The following SNAI1 variants were observed in gnomAD, a reference collection of about 807,000 sequenced individuals.
SNAI1 encodes snail family transcriptional repressor 1.
Under a neutral mutation model 24.7 loss-of-function variants are expected in SNAI1, and 15 were observed. The ratio of observed to expected loss-of-function variants is 0.61; its 90% CI spans 0.41 to 0.93. The LOEUF is 0.93. Ranked by LOEUF, SNAI1 falls within the 40% of genes least tolerant of loss-of-function variation. SNAI1 has a pLI of 0.00. For missense variants in SNAI1, 283 were observed against 336.7 expected, an observed-to-expected ratio of 0.84 and a Z score of 1.25; for synonymous variants, 163 against 142.9, an observed-to-expected ratio of 1.14 and a Z score of -1.00.
intron 2 of SNAI1, among the ~76,000 whole-genome samples, chr20:49,986,370 T>C (rs1472032602): frequency 6.6e-6 from 1 of 152,036 alleles, no homozygotes; most frequent in Admixed American, 6.6e-5. Flanking sequence ...TAAGTCCCTA[T>C]TGAATGCATG....
chr20:49,984,326 A>C lies in SNAI1; in HGVS notation c.585A>C (p.Leu195=), dbSNP rs756338418. 6.2e-7 allele frequency: 1 copy of C among 1,608,670 alleles called. No homozygotes were observed. Among genetic ancestry groups the C allele is most frequent in the Admixed American group, 1.7e-5 (1 of 58,906 alleles). The change falls in exon 2 of 3, where the codon CTA becomes CTC. Residue 195 remains leucine (L), a synonymous_variant. Transcript: ENST00000244050. ...CGKAFSRPWL[L]QGHVRTHTGE... is the part of the protein sequence containing the mutation. ...AGGCCTTCTCTAGGCCCTGGCTGCT[A>C]CAAGGCCATGTCCGGACCCACACTG... is the stretch of plus-strand genomic sequence containing the variant.
intron 2 of SNAI1, 50 bp downstream of exon 2, chr20:49,984,401 G>C: frequency 6.7e-7 from 1 of 1,492,822 alleles, no homozygotes; most frequent in Non-Finnish European, 9.0e-7. Context: ...GGCAGCTTTT[G>C]TGAATCTGGG....
intron 1 of SNAI1, among the ~76,000 whole-genome samples, chr20:49,983,521 T>C (rs1370606002): frequency 6.7e-6 from 1 of 149,012 alleles, no homozygotes; most frequent in Non-Finnish European, 1.5e-5. Flanking sequence ...AGGAGGGGGA[T>C]TGGGGCAGGG....
At position 49,984,367 on chromosome 20, in the gene SNAI1, G is replaced by A; in HGVS notation, c.610+16G>A. 1 of 1,571,334 alleles carries A rather than the reference G, an allele frequency of 6.4e-7. No individual in the cohort carries two copies. Among genetic ancestry groups the A allele is most frequent in the Non-Finnish European group, 8.6e-7 (1 of 1,159,000 alleles). On this transcript the variant is annotated intron_variant, in intron 2 of 2. Coordinates refer to ENST00000244050, the MANE Select transcript of SNAI1 (RefSeq NM_005985.4). ...ACCCACACTGGTACGTGCCCCTCCA[G>A]GCGCCCCCACCGTTGCTCTCTCTGG...
intron 2 of SNAI1, among the ~76,000 whole-genome samples, chr20:49,985,837 C>T (rs1305633902): frequency 8.5e-5 from 13 of 152,242 alleles, no homozygotes; most frequent in Non-Finnish European, 1.5e-4. Flanking sequence ...TTGTCCCCGC[C>T]GGCCTGGTGC....
intron 2 of SNAI1, among the ~76,000 whole-genome samples, chr20:49,987,001 A>G (rs2078335864): frequency 6.6e-6 from 1 of 152,214 alleles, no homozygotes; most frequent in South Asian, 2.1e-4. Flanking sequence ...CTGGGCACCC[A>G]GCTCCATGTG....
rs962565711 is a variant in SNAI1, at chr20:49,984,138, G to C, written c.397G>C (p.Gly133Arg). 1.9e-6 allele frequency: 3 copies of C among 1,614,012 alleles called. No homozygotes were observed. Among genetic ancestry groups the C allele is most frequent in the Admixed American group, 1.7e-5 (1 of 60,004 alleles). ...AEAYAAFPGL[G>R]QVPKQLAQLS... ...GGCCTATGCTGCCTTCCCAGGCTTG[G>C]GCCAAGTGCCCAAGCAGCTGGCCCA... The change falls in exon 2 of 3, where the codon GGC becomes CGC. Residue 133 changes from glycine (G) to arginine (R), a missense_variant. Coordinates refer to ENST00000244050, the MANE Select transcript of SNAI1 (RefSeq NM_005985.4).
intron 2 of SNAI1, among the ~76,000 whole-genome samples, 157 bp from the exon 3 acceptor site, chr20:49,987,715 G>T (rs1021077937): frequency 1.3e-5 from 2 of 152,146 alleles, no homozygotes; most frequent in African/African-American, 4.8e-5. Flanking sequence ...GCTCCGTCAG[G>T]TCCCGGCCTT....
In SNAI1 at chr20:49,988,339, T is replaced by C. The variant is rs1370311755; in HGVS notation, c.*283T>C. On this transcript the variant is annotated 3_prime_UTR_variant, in exon 3 of 3. Coordinates refer to ENST00000244050, the MANE Select transcript of SNAI1 (RefSeq NM_005985.4). Reference sequence around the variant, plus strand: ...TGAGCTGGCCTGTCTGCGTGGGTTTTTGTATCCAGAGCTGTTTGGATACAG... The same window carrying C: ...TGAGCTGGCCTGTCTGCGTGGGTTTCTGTATCCAGAGCTGTTTGGATACAG... 4 of 391,992 alleles carry C rather than the reference T, an allele frequency of 1.0e-5. No homozygotes were observed. Among genetic ancestry groups the C allele is most frequent in the African/African-American group, 6.2e-5 (3 of 48,140 alleles). The allele number at this position is 391,992 out of a possible 1,614,324, so 24.3% of individuals were successfully genotyped here.
At chr20:49,987,813 C>T in intron 2 of SNAI1, 59 bp from the exon 3 acceptor site, 8 of 1,503,084 alleles carry the variant, frequency 5.3e-6, no homozygotes, top group Non-Finnish European at 6.5e-6. Context: ...GGAGGGATTC[C>T]CATCACTGCC....
At chr20:49,984,422 T>G in intron 2 of SNAI1, 71 bp downstream of exon 2, 1 of 1,430,724 alleles carries the variant, frequency 7.0e-7, no homozygotes, top group Non-Finnish European at 9.3e-7. Flanking sequence ...CTTGCTGTTC[T>G]CATTCCCAAA....
chr20:49,988,235 T>G lies in SNAI1; in HGVS notation c.*179T>G, dbSNP rs539872877. ...GACCATTTTCTGGTTCTGTGTCCTC[T>G]GCCTGGGCTCTGGAAGAGGCCTTCC... On this transcript the variant is annotated 3_prime_UTR_variant, in exon 3 of 3. Coordinates refer to ENST00000244050, the MANE Select transcript of SNAI1 (RefSeq NM_005985.4). 3.4e-6 allele frequency: 2 copies of G among 590,764 alleles called. No individual in the cohort carries two copies. The highest frequency in any genetic ancestry group is 4.6e-5 in the South Asian group (2 of 43,030). The allele number at this position is 590,764 out of a possible 1,614,324, so 36.6% of individuals were successfully genotyped here.
chr20:49,984,777 T>A (rs1447909412), intron 2 of SNAI1, among the ~76,000 whole-genome samples: 2 of 152,240 alleles, frequency 1.3e-5, no homozygotes, highest in East Asian at 3.8e-4. Context: ...GATGTTTCTC[T>A]TCTGTGAGCC....
rs1015433369 is a variant in SNAI1 at position 49,988,447 on chromosome 20, CA to C, written c.*392del. 52 of 165,292 alleles carry C rather than the reference CA, an allele frequency of 3.1e-4. No homozygotes were observed. The highest frequency in any genetic ancestry group is 8.7e-4 in the East Asian group (5 of 5,772). The allele number at this position is 165,292 out of a possible 1,614,324, so 10.2% of individuals were successfully genotyped here. ...CAGGGGACCCCACTCCCCTCACACA[CA>C]CCCCCCCACAAGGAACCCTCAGGCC... On this transcript the variant is annotated 3_prime_UTR_variant, in exon 3 of 3. Coordinates refer to ENST00000244050, the MANE Select transcript of SNAI1 (RefSeq NM_005985.4).
intron 1 of SNAI1, 73 bp from the exon 2 acceptor site, chr20:49,983,751 C>A: frequency 7.0e-7 from 1 of 1,426,816 alleles, no homozygotes; most frequent in Non-Finnish European, 9.4e-7. Flanking sequence ...CAGCCCCTGG[C>A]CAGCGGTGGG....
chr20:49,987,720 G>A (rs1240605100), intron 2 of SNAI1, 152 bp from the exon 3 acceptor site: 8 of 697,178 alleles, frequency 1.1e-5, no homozygotes, highest in Non-Finnish European at 2.0e-5. Flanking sequence ...GTCAGGTCCC[G>A]GCCTTTGGAC....
At chr20:49,983,170 A>C (rs1306355821) in intron 1 of SNAI1, 29 bp downstream of exon 1, 1 of 1,576,816 alleles carries the variant, frequency 6.3e-7, no homozygotes, top group Non-Finnish European at 8.7e-7. Flanking sequence ...GGGCTCCAGG[A>C]GGTTTGGGGG....
rs747521630 is a variant in SNAI1 at position 49,983,027 on chromosome 20, G to T, written c.-33G>T. 2 of 1,561,456 alleles carry T rather than the reference G, an allele frequency of 1.3e-6. No homozygotes were observed. Among genetic ancestry groups the T allele is most frequent in the African/African-American group, 1.4e-5 (1 of 73,226 alleles). ...CGAGTGGTTCTTCTGCGCTACTGCT[G>T]CGCGAATCGGCGACCCCAGTGCCTC... On this transcript the variant is annotated 5_prime_UTR_variant, in exon 1 of 3. Coordinates refer to ENST00000244050, the MANE Select transcript of SNAI1 (RefSeq NM_005985.4).
chr20:49,985,387 G>A (rs905978654), intron 2 of SNAI1, among the ~76,000 whole-genome samples: 1 of 152,070 alleles, frequency 6.6e-6, no homozygotes, highest in Non-Finnish European at 1.5e-5. Context: ...GGCAATTCGC[G>A]GGCTTTATTG....
Sources: allele counts gnomAD v4.1 joint callset (sites outside exome capture counted in the v4.1 genomes callset), GRCh38; gene constraint gnomAD v4.1.1; transcripts MANE v1.5; gene names NCBI Gene and HGNC (gene_info 2026-07-23, HGNC 2026-07-21).